COL4A6: variants seen among roughly 807,000 people sequenced by gnomAD.
COL4A6 encodes collagen type IV alpha 6 chain, also known as collagen alpha-6(IV) chain.
In COL4A6, 59 loss-of-function variants were observed where a neutral mutation model predicts 126.7. The ratio of observed to expected loss-of-function variants is 0.47; its 90% CI spans 0.38 to 0.58. COL4A6 has a LOEUF of 0.58. Ranked by LOEUF, COL4A6 falls within the 20% of genes least tolerant of loss-of-function variation. The pLI is 0.00. For synonymous variants in COL4A6, 547 were observed against 496.6 expected (o/e 1.10, Z -1.35); for missense variants, 1,285 against 1,337.3 (o/e 0.96, Z 0.61).
intron 1 of COL4A6, 42 bp from the exon 2 acceptor site, chrX:108,438,035 C>T (rs767452078): frequency 3.3e-6 from 4 of 1,198,215 alleles, no homozygotes; most frequent in Admixed American, 2.2e-5. Flanking sequence ...CTCTAGGCTT[C>T]GGGGTCGTGC....
At chrX:108,394,599 T>C (rs1419582961) in intron 2 of COL4A6, among the ~76,000 whole-genome samples, 1 of 111,728 alleles carries the variant, frequency 9.0e-6, no homozygotes, top group Non-Finnish European at 1.9e-5. Context: ...AAGCTGTTAG[T>C]TCCTTGAAGG....
rs2033847467 is a variant in COL4A6 at position 108,159,534 on chromosome X, G to A, written c.4740C>T (p.His1580=). 8.2e-7 allele frequency: 1 copy of A among 1,212,367 alleles called. No homozygotes were observed. Residue 1580 remains histidine, a synonymous_variant, in exon 44 of 45, where the codon CAC becomes CAT. Transcript: ENST00000334504. ...CEAPSQAIAV[H]SQDITIPQCP... is the part of the protein sequence containing the mutation. The stretch of plus-strand genomic sequence containing the variant: ...ACTGCGGGATGGTGATGTCCTGGCT[G>A]TGCACAGCAATGGCTTGCGAGGGTG...
chrX:108,274,403 G>A (rs1243745803), intron 3 of COL4A6, among the ~76,000 whole-genome samples: 1 of 111,554 alleles, frequency 9.0e-6, no homozygotes, highest in Non-Finnish European at 1.9e-5. Flanking sequence ...CTGGCTCTGC[G>A]ATGATCAGGG....
chrX:108,438,454 G>A, upstream of COL4A6: 1 of 1,001,082 alleles, frequency 1.0e-6, no homozygotes, highest in Non-Finnish European at 1.3e-6. Context: ...AAAGAATGGA[G>A]GGGAAAGGGG....
chrX:108,386,812 T>C (rs2040708911), intron 2 of COL4A6, among the ~76,000 whole-genome samples: 1 of 112,217 alleles, frequency 8.9e-6, no homozygotes, highest in African/African-American at 3.2e-5. Context: ...CTGAATGGTA[T>C]TGCTTAGGCT....
chrX:108,224,690 G>T (rs1297741031), intron 3 of COL4A6, among the ~76,000 whole-genome samples: 1 of 112,043 alleles, frequency 8.9e-6, no homozygotes, highest in Non-Finnish European at 1.9e-5. Flanking sequence ...TCTTCTGCGG[G>T]TTGTTTTGTC....
At chrX:108,278,337 T>G (rs1185842056) in intron 3 of COL4A6, among the ~76,000 whole-genome samples, 1 of 111,688 alleles carries the variant, frequency 9.0e-6, no homozygotes, top group Non-Finnish European at 1.9e-5. Context: ...AAGAACTACA[T>G]GAAGAGTGCA....
At chrX:108,291,729 G>A (rs1478755372) in intron 3 of COL4A6, among the ~76,000 whole-genome samples, 1 of 111,934 alleles carries the variant, frequency 8.9e-6, no homozygotes, top group Non-Finnish European at 1.9e-5. Context: ...GCTGAGACGG[G>A]AAATTGCCAG....
At chrX:108,282,728 C>T (rs1159768138) in intron 3 of COL4A6, among the ~76,000 whole-genome samples, 1 of 107,619 alleles carries the variant, frequency 9.3e-6, no homozygotes, top group Non-Finnish European at 1.9e-5. Flanking sequence ...TTCACAATAG[C>T]AAAGACTTGG....
At chrX:108,386,939 G>T (rs1321960138) in intron 2 of COL4A6, among the ~76,000 whole-genome samples, 1 of 111,935 alleles carries the variant, frequency 8.9e-6, no homozygotes, top group African/African-American at 3.3e-5. Flanking sequence ...CATATGGCTA[G>T]ACAGCTCTCC....
chrX:108,312,319 G>T (rs1053986767), intron 2 of COL4A6, among the ~76,000 whole-genome samples: 1 of 111,951 alleles, frequency 8.9e-6, no homozygotes, highest in Non-Finnish European at 1.9e-5. Flanking sequence ...TGGTAATAAG[G>T]TAAAGATGGC....
chrX:108,174,239 T>C (rs1300507825), intron 31 of COL4A6, among the ~76,000 whole-genome samples: 2 of 111,354 alleles, frequency 1.8e-5, no homozygotes, highest in Admixed American at 1.9e-4. Flanking sequence ...TTCAGGGAGA[T>C]GTGAACAAAA....
intron 5 of COL4A6, 55 bp from the exon 6 acceptor site, chrX:108,214,283 A>AG: frequency 4.5e-6 from 4 of 882,318 alleles, no homozygotes; most frequent in Non-Finnish European, 6.5e-6. Context: ...CAGCTATTCT[A>AG]AATGGCTCCA....
At chrX:108,330,332 G>A (rs981713913) in intron 2 of COL4A6, among the ~76,000 whole-genome samples, 3 of 111,227 alleles carry the variant, frequency 2.7e-5, no homozygotes, top group Non-Finnish European at 5.7e-5. Context: ...ATAAGACACC[G>A]CTTTGAAAAT....
chrX:108,273,847 C>G (rs1197151709), intron 3 of COL4A6, among the ~76,000 whole-genome samples: 1 of 112,271 alleles, frequency 8.9e-6, no homozygotes, highest in African/African-American at 3.2e-5. Context: ...CATTCCTTTA[C>G]TCAAAATCTT....
Position 108,328,885 on chromosome X carries a change from C to T in COL4A6, c.64-18057G>A, listed in dbSNP as rs187326049. Among the ~76,000 whole-genome samples, 95 of 111,778 alleles carry T rather than the reference C, an allele frequency of 8.5e-4. 3 individuals carry two copies. The East Asian group carries it at 0.026, about 31-fold the overall frequency. ...TGTACATGGAGAAATGCTACTCAGCCATAAAAAGAACAAAATCTTCTCATT... is the reference window on the plus strand; with the variant it reads ...TGTACATGGAGAAATGCTACTCAGCTATAAAAAGAACAAAATCTTCTCATT... On this transcript the variant is annotated intron_variant, in intron 2 of 44. Transcript: ENST00000334504.
chrX:108,188,530 G>T lies in COL4A6; in HGVS notation c.1574C>A (p.Pro525Gln). The T allele has an allele frequency of 8.9e-7, 1 of 1,129,369 alleles. No individual in the cohort carries two copies. The highest frequency in any genetic ancestry group is 1.2e-6 in the Non-Finnish European group (1 of 855,239). 93.1% of individuals were successfully genotyped at this position (1,129,369 alleles called of 1,213,427 possible). A position where few individuals can be genotyped will look rare whatever the true frequency, so the allele number is the denominator to read the frequency against. ...GGCAAGACTTACTGGAGCCCCTGCTGGGCCCTGTGCACCCCCAGAGCCTCG... is the reference window on the plus strand; with the variant it reads ...GGCAAGACTTACTGGAGCCCCTGCTTGGCCCTGTGCACCCCCAGAGCCTCG... ...GDRGSGGAQG[P>Q]AGAPGLVGPL... Residue 525 changes from proline to glutamine, a missense_variant, in exon 21 of 45, where the codon CCA (proline) becomes CAA (glutamine). Coordinates refer to ENST00000334504, the MANE Select transcript of COL4A6 (RefSeq NM_033641.4).
At chrX:108,239,525 G>A (rs983456177) in intron 3 of COL4A6, among the ~76,000 whole-genome samples, 6 of 111,898 alleles carry the variant, frequency 5.4e-5, no homozygotes, top group African/African-American at 2.0e-4. Context: ...CAGCCTGGGA[G>A]CTCTGGCCAC....
rs191253787 is a variant in COL4A6, at chrX:108,398,840, G to A, written c.63+39102C>T. 1.0e-2 allele frequency among the ~76,000 whole-genome samples: 1,111 copies of A among 111,246 alleles called. 7 individuals are homozygous for A. Among genetic ancestry groups the A allele is most frequent in the Non-Finnish European group, 0.015 (776 of 52,877 alleles). On this transcript the variant is annotated intron_variant, in intron 2 of 44. Coordinates refer to ENST00000334504, the MANE Select transcript of COL4A6 (RefSeq NM_033641.4). ...TTGACAATCTGAGAAAAAAAGACTGGAAAATTGCGAATTTGGAGAAACCAA... is the reference window on the plus strand; with the variant it reads ...TTGACAATCTGAGAAAAAAAGACTGAAAAATTGCGAATTTGGAGAAACCAA...
Sources: allele counts gnomAD v4.1 joint callset (sites outside exome capture counted in the v4.1 genomes callset), GRCh38; gene constraint gnomAD v4.1.1; transcripts MANE v1.5; gene names NCBI Gene and HGNC (gene_info 2026-07-23, HGNC 2026-07-21).